Variants in AP1G1 observed in about 807,000 individuals in gnomAD.
AP1G1 encodes adaptor related protein complex 1 subunit gamma 1, also known as AP-1 complex subunit gamma-1.
Under a neutral mutation model 108.3 loss-of-function variants are expected in AP1G1, and 7 were observed. The ratio of observed to expected loss-of-function variants is 0.06; its 90% CI spans 0.04 to 0.12. The LOEUF (loss-of-function observed/expected upper bound fraction) is 0.12. Ranked by LOEUF, AP1G1 falls within the 10% of genes least tolerant of loss-of-function variation. The pLI is 1.00. For synonymous variants in AP1G1, 379 were observed against 353.5 expected, an observed-to-expected ratio of 1.07 and a Z score of -0.81; for missense variants, 756 against 1,010.7, an observed-to-expected ratio of 0.75 and a Z score of 3.42.
chr16:71,758,155 T>A (rs2030895023), intron 11 of AP1G1, among the ~76,000 whole-genome samples: 1 of 152,220 alleles, frequency 6.6e-6, no homozygotes, highest in Non-Finnish European at 1.5e-5. Context: ...GTTTCAGAGA[T>A]CACTTTAAAT....
intron 11 of AP1G1, among the ~76,000 whole-genome samples, chr16:71,756,772 T>C (rs927963352): frequency 1.3e-5 from 2 of 151,826 alleles, no homozygotes; most frequent in African/African-American, 4.8e-5. Context: ...TGAAAGCACT[T>C]CTGTACTAAA....
chr16:71,798,625 C>A (rs559407309), intron 1 of AP1G1, among the ~76,000 whole-genome samples: 1 of 151,940 alleles, frequency 6.6e-6, no homozygotes, highest in African/African-American at 2.4e-5. Flanking sequence ...CGGTGGCTCA[C>A]GCCTGTAATC....
intron 18 of AP1G1, 58 bp downstream of exon 18, chr16:71,745,415 C>G: frequency 6.2e-7 from 1 of 1,612,946 alleles, no homozygotes; most frequent in Non-Finnish European, 8.5e-7. Context: ...AAGAGACAAG[C>G]TGTAAGGGAC....
At chr16:71,808,161 G>T in intron 1 of AP1G1, 1 of 1,138,142 alleles carries the variant, frequency 8.8e-7, no homozygotes. Flanking sequence ...CTGAGAAAAG[G>T]GTAAACAGTA....
intron 1 of AP1G1, among the ~76,000 whole-genome samples, chr16:71,791,229 A>C (rs1163190262): frequency 2.0e-5 from 3 of 151,648 alleles, no homozygotes; most frequent in Non-Finnish European, 4.4e-5. Flanking sequence ...AAAAAACAAA[A>C]AAAAAAAACA....
chr16:71,792,884 G>A (rs914471514), intron 1 of AP1G1, among the ~76,000 whole-genome samples: 5 of 151,670 alleles, frequency 3.3e-5, no homozygotes, highest in South Asian at 2.1e-4. Context: ...AATTACAAGT[G>A]AGGCTGGGCA....
chr16:71,750,140 A>G, intron 14 of AP1G1, 70 bp downstream of exon 14: 2 of 1,582,970 alleles, frequency 1.3e-6, no homozygotes, highest in East Asian at 2.2e-5. Context: ...GGGGGAAAAA[A>G]AAGAAGAAAA....
At chr16:71,771,053 C>G (rs9635524) in intron 5 of AP1G1, 103 bp downstream of exon 5, 536,784 of 620,318 alleles carry the variant, frequency 0.87, 233,262 homozygotes, top group East Asian at 0.99. Flanking sequence ...ACAGCAGAAA[C>G]GCGACTCCAC....
chr16:71,774,518 C>T lies in AP1G1; in HGVS notation c.276G>A (p.Leu92=), dbSNP rs769039349. 7.5e-6 allele frequency: 12 copies of T among 1,609,190 alleles called. No individual in the cohort carries two copies. The highest frequency in any genetic ancestry group is 4.0e-5 in the African/African-American group (3 of 74,374). ...KRIGYLGAML[L]LDERQDVHLL... is the part of the protein sequence containing the mutation. ...GATGGACATCTTGTCTTTCATCTAACAGCAGCATTGCCCCTAAATAGCCAA... is the reference window on the plus strand; with the variant it reads ...GATGGACATCTTGTCTTTCATCTAATAGCAGCATTGCCCCTAAATAGCCAA... The change falls in exon 3 of 23, where the codon CTG becomes CTA. Residue 92 remains leucine (L), a synonymous_variant. Transcript: ENST00000299980.
At chr16:71,750,356 C>A in intron 13 of AP1G1, 24 bp from the exon 14 acceptor site, 1 of 1,612,098 alleles carries the variant, frequency 6.2e-7, no homozygotes, top group Non-Finnish European at 8.5e-7. Flanking sequence ...CAGACAATTA[C>A]CCCTAGAAAC....
intron 10 of AP1G1, among the ~76,000 whole-genome samples, chr16:71,759,179 C>T (rs1192982308): frequency 6.6e-6 from 1 of 152,142 alleles, no homozygotes; most frequent in East Asian, 1.9e-4. Context: ...TAAAAGTAGG[C>T]CGGGCATGGT....
At chr16:71,753,724 T>C (rs1342652433) in intron 13 of AP1G1, 109 bp downstream of exon 13, 26 of 914,310 alleles carry the variant, frequency 2.8e-5, no homozygotes, top group Non-Finnish European at 2.1e-5. Flanking sequence ...GACATTAATG[T>C]TACCTATTTA....
intron 9 of AP1G1, among the ~76,000 whole-genome samples, chr16:71,762,914 C>CG (rs955641254): frequency 2.6e-5 from 4 of 152,112 alleles, no homozygotes; most frequent in East Asian, 3.9e-4. Context: ...GTTGGGGCGG[C>CG]GGGGGGTCAG....
At chr16:71,807,805 G>A (rs948787247) in intron 1 of AP1G1, 6 of 1,288,786 alleles carry the variant, frequency 4.7e-6, no homozygotes, top group Non-Finnish European at 6.1e-6. Flanking sequence ...ACCTACCTCA[G>A]ATTAATATTT....
chr16:71,785,162 A>G (rs566829003), intron 2 of AP1G1, among the ~76,000 whole-genome samples: 2 of 152,126 alleles, frequency 1.3e-5, no homozygotes, highest in South Asian at 4.2e-4. Flanking sequence ...CATTTTCATC[A>G]GAAATAGCTA....
intron 6 of AP1G1, among the ~76,000 whole-genome samples, chr16:71,769,239 C>T (rs1007204553): frequency 3.3e-5 from 5 of 151,684 alleles, no homozygotes; most frequent in South Asian, 2.1e-4. Flanking sequence ...GCTGAGATCA[C>T]GCCATTGCAC....
At chr16:71,742,982 A>G (rs933583674) in intron 19 of AP1G1, 1 of 137,438 alleles carries the variant, frequency 7.3e-6, no homozygotes, top group Admixed American at 7.0e-5. Flanking sequence ...CAAAAAAACC[A>G]AAAAAAAAAG....
chr16:71,761,126 C>T (rs555274731), intron 10 of AP1G1, among the ~76,000 whole-genome samples: 1 of 152,250 alleles, frequency 6.6e-6, no homozygotes, highest in South Asian at 2.1e-4. Context: ...TTCATACTAG[C>T]TCCCAAGTTT....
chr16:71,800,750 G>A (rs755684455), intron 1 of AP1G1, among the ~76,000 whole-genome samples: 3 of 152,064 alleles, frequency 2.0e-5, no homozygotes, highest in Non-Finnish European at 4.4e-5. Context: ...GCAGTGAGCT[G>A]GGATCGCGCC....
Sources: allele counts gnomAD v4.1 joint callset (sites outside exome capture counted in the v4.1 genomes callset), GRCh38; gene constraint gnomAD v4.1.1; transcripts MANE v1.5; gene names NCBI Gene and HGNC (gene_info 2026-07-23, HGNC 2026-07-21).